The following OTOGL variants were observed in gnomAD, a reference collection of about 807,000 sequenced individuals.
OTOGL encodes the protein otogelin-like protein.
OTOGL carries 285 observed loss-of-function variants against 318.5 expected under a neutral mutation model. The ratio of observed to expected loss-of-function variants is 0.89; its 90% confidence interval spans 0.81 to 0.99. OTOGL has a LOEUF of 0.99. OTOGL is among the 50% of genes least tolerant of loss of function. OTOGL has a pLI of 0.00. For synonymous variants in OTOGL, 987 were observed against 936.5 expected (o/e 1.05, Z -0.99); for missense variants, 2,899 against 2,845.6 (o/e 1.02, Z -0.43).
intron 22 of OTOGL, among the ~76,000 whole-genome samples, chr12:80,267,727 G>A (rs995944484): frequency 1.3e-5 from 2 of 151,400 alleles, no homozygotes; most frequent in Non-Finnish European, 2.9e-5. Context: ...AGATAACAAT[G>A]TAATCTTTAA....
intron 26 of OTOGL, among the ~76,000 whole-genome samples, chr12:80,285,257 AGCTT>A (rs1029300373): frequency 2.0e-5 from 3 of 152,094 alleles, no homozygotes; most frequent in Non-Finnish European, 2.9e-5. Flanking sequence ...TGATACCAGT[AGCTT>A]GCTGTTTTGG....
intron 42 of OTOGL, among the ~76,000 whole-genome samples, chr12:80,338,695 C>CCAGATT (rs2137924879): frequency 1.3e-5 from 2 of 151,954 alleles, no homozygotes; most frequent in South Asian, 4.2e-4. Flanking sequence ...TTTAGAAGAT[C>CCAGATT]AAGGAAAGAA....
chr12:80,292,745 A>G (rs1565959921), intron 26 of OTOGL, among the ~76,000 whole-genome samples: 1 of 152,236 alleles, frequency 6.6e-6, no homozygotes. Flanking sequence ...ATTATTCCTG[A>G]TAACATAGAT....
intron 1 of OTOGL, among the ~76,000 whole-genome samples, chr12:80,148,890 G>C (rs1872582320): frequency 6.6e-6 from 1 of 152,050 alleles, no homozygotes; most frequent in Admixed American, 6.6e-5. Flanking sequence ...CTCGAGCCTT[G>C]GTTTTCAGCT....
intron 52 of OTOGL, among the ~76,000 whole-genome samples, chr12:80,362,400 A>AAGTCAGGTAAC (rs1175492937): frequency 6.6e-6 from 1 of 152,106 alleles, no homozygotes; most frequent in Non-Finnish European, 1.5e-5. Flanking sequence ...GTACATTTTG[A>AAGTCAGGTAAC]AGTCAGGTAA....
At chr12:80,243,857 A>G (rs1441521141) in intron 11 of OTOGL, among the ~76,000 whole-genome samples, 1 of 145,920 alleles carries the variant, frequency 6.9e-6, no homozygotes, top group African/African-American at 2.6e-5. Flanking sequence ...ATATACATAT[A>G]TATATATATA....
At chr12:80,229,204 A>G (rs1052266813) in intron 7 of OTOGL, 53 bp from the exon 8 acceptor site, 67 of 1,550,400 alleles carry the variant, frequency 4.3e-5, no homozygotes, top group Non-Finnish European at 5.6e-5. Context: ...GGTTTTAATA[A>G]CTCAGATTTA....
intron 4 of OTOGL, among the ~76,000 whole-genome samples, chr12:80,212,348 C>T (rs554679830): frequency 6.6e-6 from 1 of 151,952 alleles, no homozygotes; most frequent in Non-Finnish European, 1.5e-5. Context: ...GTATAATGTA[C>T]ATGGAAAAAG....
chr12:80,303,073 G>C (rs768574787), intron 28 of OTOGL, among the ~76,000 whole-genome samples: 1 of 152,104 alleles, frequency 6.6e-6, no homozygotes, highest in Non-Finnish European at 1.5e-5. Flanking sequence ...AATGCAATTA[G>C]ATTCAGTTCT....
chr12:80,174,853 T>C (rs971296759), intron 1 of OTOGL, among the ~76,000 whole-genome samples: 74 of 152,164 alleles, frequency 4.9e-4, no homozygotes, highest in African/African-American at 1.7e-3. Context: ...TTAATACATG[T>C]GTTGCCCACT....
chr12:80,238,893 C>T lies in OTOGL; in HGVS notation c.860C>T (p.Ser287Leu), dbSNP rs147195954. 2,107 of 1,579,910 alleles carry T rather than the reference C, an allele frequency of 1.3e-3. 4 individuals are homozygous for T. Among genetic ancestry groups the T allele is most frequent in the Non-Finnish European group, 1.6e-3 (1,858 of 1,169,240 alleles). The stretch of plus-strand genomic sequence containing the variant: ...ATCGCTATGTTTGCAAATAGTTGGT[C>T]GGTGCAAACTCCAGATGACACCAAA... ...EDIAMFANSWSVQTPDDTKCV... is the reference protein window; with the variant it reads ...EDIAMFANSWLVQTPDDTKCV... Residue 287 changes from serine to leucine, a missense_variant, in exon 10 of 59, where the codon TCG (serine) becomes TTG (leucine). This residue lies in a region of OTOGL where 2,607 missense variants were observed against 2,524.9 expected (regional missense o/e 1.03). Coordinates refer to ENST00000547103, the MANE Select transcript of OTOGL (RefSeq NM_001378609.3).
chr12:80,113,550 A>G (rs533749535), intron 1 of OTOGL, among the ~76,000 whole-genome samples: 2 of 152,194 alleles, frequency 1.3e-5, no homozygotes, highest in East Asian at 3.9e-4. Flanking sequence ...GTTTCCATGT[A>G]ATTGTGTGGT....
At chr12:80,367,823 C>T (rs1890643458) in intron 54 of OTOGL, 84 bp downstream of exon 54, 1 of 906,092 alleles carries the variant, frequency 1.1e-6, no homozygotes, top group South Asian at 2.9e-5. Context: ...GGTGAATACT[C>T]CATTAGTTTA....
At chr12:80,186,686 T>C (rs917415403) in intron 1 of OTOGL, among the ~76,000 whole-genome samples, 1 of 152,062 alleles carries the variant, frequency 6.6e-6, no homozygotes, top group Non-Finnish European at 1.5e-5. Context: ...TCCCCAACTC[T>C]TCTCTCCTTT....
At chr12:80,146,527 G>A (rs1329574633) in intron 1 of OTOGL, among the ~76,000 whole-genome samples, 2 of 151,412 alleles carry the variant, frequency 1.3e-5, no homozygotes, top group East Asian at 1.9e-4. Context: ...CTCTTTTTTG[G>A]TTGTGTCTCT....
chr12:80,220,174 T>A (rs892760523), intron 6 of OTOGL, among the ~76,000 whole-genome samples: 18 of 152,076 alleles, frequency 1.2e-4, no homozygotes, highest in African/African-American at 3.6e-4. Context: ...TATTATTATT[T>A]TTTGAGACAG....
At chr12:80,350,175 C>G (rs1889456937) in intron 44 of OTOGL, among the ~76,000 whole-genome samples, 1 of 152,160 alleles carries the variant, frequency 6.6e-6, no homozygotes, top group South Asian at 2.1e-4. Context: ...CTGTGCCTGG[C>G]TTATTTCACT....
chr12:80,270,188 G>T (rs769884281), intron 23 of OTOGL, 34 bp downstream of exon 23: 37 of 1,529,906 alleles, frequency 2.4e-5, no homozygotes, highest in Non-Finnish European at 3.3e-5. Flanking sequence ...CTGAATGAGG[G>T]TTCAGCTCTG....
intron 19 of OTOGL, among the ~76,000 whole-genome samples, chr12:80,262,535 G>C (rs1462525111): frequency 6.6e-6 from 1 of 152,120 alleles, no homozygotes; most frequent in South Asian, 2.1e-4. Flanking sequence ...ATATATTATG[G>C]CTTTATAAGC....
Sources: allele counts gnomAD v4.1 joint callset (sites outside exome capture counted in the v4.1 genomes callset), GRCh38; gene constraint gnomAD v4.1.1; regional missense constraint gnomAD v4.1.1; transcripts MANE v1.5; gene names NCBI Gene and HGNC (gene_info 2026-07-23, HGNC 2026-07-21).